Variants in FBLN7 observed in about 807,000 individuals in gnomAD.
The protein encoded by FBLN7 is fibulin-7.
FBLN7 carries 31 observed loss-of-function variants against 44.0 expected under a neutral mutation model. The observed-to-expected ratio is 0.70, with a 90% confidence interval of 0.53 to 0.95. The LOEUF (loss-of-function observed/expected upper bound fraction) is 0.95. FBLN7 is among the 40% of genes least tolerant of loss of function. FBLN7 has a pLI of 0.00. For synonymous variants in FBLN7, 262 were observed against 253.4 expected, an observed-to-expected ratio of 1.03 and a Z score of -0.32; for missense variants, 573 against 618.5, an observed-to-expected ratio of 0.93 and a Z score of 0.78.
At chr2:112,155,735 A>C (rs1681378086) in intron 1 of FBLN7, among the ~76,000 whole-genome samples, 1 of 152,196 alleles carries the variant, frequency 6.6e-6, no homozygotes, top group South Asian at 2.1e-4. Flanking sequence ...ACGGAGCAGG[A>C]AGTGGCACCG....
At chr2:112,176,782 CAG>C (rs1332068152) in intron 4 of FBLN7, 1 of 152,192 alleles carries the variant, frequency 6.6e-6, no homozygotes, top group Non-Finnish European at 1.5e-5. Flanking sequence ...AAACTGAGGC[CAG>C]AGACAGGGCT....
the FBLN7 span, among the ~76,000 whole-genome samples, chr2:112,231,101 T>G: frequency 6.6e-6 from 1 of 152,110 alleles, no homozygotes; most frequent in East Asian, 1.9e-4. Context: ...ACTGAAAAAC[T>G]TATTTCATAT....
In FBLN7 at chr2:112,159,772, A is replaced by G. The variant is rs1363779050; in HGVS notation, c.172A>G (p.Met58Val). Reference protein sequence around the residue: ...ETRFAEGIRHMKSRLAALQNS... With the variant: ...ETRFAEGIRHVKSRLAALQNS... Reference sequence around the variant, plus strand: ...ACGCTTCGCCGAGGGCATCCGCCACATGAAGAGCCGGCTGGCCGCGCTGCA... The same window carrying G: ...ACGCTTCGCCGAGGGCATCCGCCACGTGAAGAGCCGGCTGGCCGCGCTGCA... The change falls in exon 2 of 8, where the codon ATG (methionine) becomes GTG (valine). Residue 58 changes from methionine to valine, a missense_variant. Coordinates refer to ENST00000331203, the MANE Select transcript of FBLN7 (RefSeq NM_153214.3). The G allele has an allele frequency of 5.0e-6, 8 of 1,603,938 alleles. No homozygotes were observed. The highest frequency in any genetic ancestry group is 2.7e-5 in the African/African-American group (2 of 74,234).
intron 1 of FBLN7, among the ~76,000 whole-genome samples, chr2:112,144,741 G>A (rs548310928): frequency 1.3e-5 from 2 of 152,092 alleles, no homozygotes; most frequent in South Asian, 4.2e-4. Context: ...TAGCCAGGAT[G>A]GTCTCTATCT....
intron 3 of FBLN7, among the ~76,000 whole-genome samples, chr2:112,173,586 A>G (rs1289294715): frequency 1.3e-5 from 2 of 152,256 alleles, no homozygotes; most frequent in Admixed American, 6.5e-5. Flanking sequence ...AAAAGAAAAA[A>G]GTTCGGTCAT....
At chr2:112,162,104 T>C (rs1681907358) in intron 2 of FBLN7, among the ~76,000 whole-genome samples, 1 of 152,180 alleles carries the variant, frequency 6.6e-6, no homozygotes, top group South Asian at 2.1e-4. Flanking sequence ...CACTGCAGCC[T>C]CCCAGGCTCA....
At chr2:112,236,556 C>T in the FBLN7 span, 1 of 1,612,162 alleles carries the variant, frequency 6.2e-7, no homozygotes, top group Non-Finnish European at 8.5e-7. Context: ...GCATATATTC[C>T]AATACCTCTT....
chr2:112,177,370 T>G (rs1010805333), intron 4 of FBLN7: 2 of 152,228 alleles, frequency 1.3e-5, no homozygotes, highest in Non-Finnish European at 2.9e-5. Flanking sequence ...ATCCTCATAG[T>G]CTCCATGAAC....
intron 1 of FBLN7, among the ~76,000 whole-genome samples, chr2:112,157,792 G>A (rs980140545): frequency 2.6e-5 from 4 of 152,088 alleles, no homozygotes; most frequent in African/African-American, 9.7e-5. Context: ...TAGAGACAGG[G>A]TCTCAGTCTG....
At chr2:112,142,574 G>A (rs1449682562) in intron 1 of FBLN7, among the ~76,000 whole-genome samples, 1 of 152,090 alleles carries the variant, frequency 6.6e-6, no homozygotes, top group Non-Finnish European at 1.5e-5. Flanking sequence ...GGGTCAGGTG[G>A]GAGGCACTGA....
chr2:112,209,879 A>G, the FBLN7 span, among the ~76,000 whole-genome samples: 1 of 151,936 alleles, frequency 6.6e-6, no homozygotes, highest in Non-Finnish European at 1.5e-5. Context: ...TGCACAGGTC[A>G]GCCTGGCCTG....
chr2:112,215,931 CTAACAA>C, the FBLN7 span: 1 of 152,080 alleles, frequency 6.6e-6, no homozygotes, highest in Non-Finnish European at 1.5e-5. Context: ...AAACAAATGT[CTAACAA>C]TAGGAAACTG....
chr2:112,187,691 A>C lies in FBLN7; in HGVS notation c.*185A>C. ...GCACGGAAGAGCAGCCACAAAACTC[A>C]ACTGCTGCCATCACTCTTTTTTTTT... On this transcript the variant is annotated 3_prime_UTR_variant, in exon 8 of 8. Transcript: ENST00000331203. The surrounding 1 kb of genome is among the most constrained non-coding windows in gnomAD (Gnocchi z 5.1). The C allele has an allele frequency of 4.4e-6, 3 of 684,854 alleles. No individual in the cohort carries two copies. Among genetic ancestry groups the C allele is most frequent in the South Asian group, 4.2e-5 (2 of 47,668 alleles). 42.4% of individuals were successfully genotyped at this position (684,854 alleles called of 1,614,324 possible). A position where few individuals can be genotyped will look rare whatever the true frequency, so the allele number is the denominator to read the frequency against.
At chr2:112,154,037 G>A (rs1004795939) in intron 1 of FBLN7, among the ~76,000 whole-genome samples, 3 of 152,204 alleles carry the variant, frequency 2.0e-5, no homozygotes, top group Non-Finnish European at 4.4e-5. Flanking sequence ...TGGATGGGGT[G>A]ACATCTGTTG....
chr2:112,219,489 A>C, the FBLN7 span, among the ~76,000 whole-genome samples: 1 of 152,188 alleles, frequency 6.6e-6, no homozygotes, highest in Non-Finnish European at 1.5e-5. Flanking sequence ...ATAGAGGAAA[A>C]CATAAGGGAA....
the FBLN7 span, among the ~76,000 whole-genome samples, chr2:112,195,749 T>C: frequency 6.6e-6 from 1 of 152,236 alleles, no homozygotes; most frequent in Non-Finnish European, 1.5e-5. Flanking sequence ...CCTGACCTGC[T>C]GGCATCCCAG....
At chr2:112,170,836 G>A (rs913397836) in intron 3 of FBLN7, among the ~76,000 whole-genome samples, 2 of 152,224 alleles carry the variant, frequency 1.3e-5, no homozygotes, top group Non-Finnish European at 2.9e-5. Context: ...CACATAGGTG[G>A]CTATTGCAGA....
chr2:112,192,797 A>C (rs11123131), downstream of FBLN7, among the ~76,000 whole-genome samples: 1 of 151,994 alleles, frequency 6.6e-6, no homozygotes, highest in South Asian at 2.1e-4. Flanking sequence ...GCTTGTACAT[A>C]TGAAAATCTC....
chr2:112,163,750 G>A lies in FBLN7; in HGVS notation c.236-1251G>A, dbSNP rs139158031. 9.6e-3 allele frequency among the ~76,000 whole-genome samples: 1,429 copies of A among 148,748 alleles called. 17 individuals carry two copies. The highest frequency in any genetic ancestry group is 1.0e-2 in the Non-Finnish European group (664 of 66,522). On this transcript the variant is annotated intron_variant, in intron 2 of 7. Transcript: ENST00000331203. Reference sequence around the variant, plus strand: ...GACCTCCAGAGGCCCGGTCTCACACGGAGAACAAGTTGCATGGCCTTTTTG... The same window carrying A: ...GACCTCCAGAGGCCCGGTCTCACACAGAGAACAAGTTGCATGGCCTTTTTG...
Sources: allele counts gnomAD v4.1 joint callset (sites outside exome capture counted in the v4.1 genomes callset), GRCh38; gene constraint gnomAD v4.1.1; non-coding constraint Gnocchi (gnomAD v3.1); transcripts MANE v1.5; gene names NCBI Gene and HGNC (gene_info 2026-07-23, HGNC 2026-07-21).